The following MMP26 variants were observed in gnomAD, a reference collection of about 807,000 sequenced individuals.
The protein encoded by MMP26 is matrix metalloproteinase-26.
In MMP26, 33 loss-of-function variants were observed where a neutral mutation model predicts 31.0. That is an observed-to-expected ratio of 1.06 (90% CI 0.81 to 1.42). The LOEUF (loss-of-function observed/expected upper bound fraction) is 1.42. Ranked by LOEUF, MMP26 falls within the 40% of genes most tolerant of loss-of-function variation. The pLI is 0.00. For synonymous variants in MMP26, 122 were observed against 114.9 expected, an observed-to-expected ratio of 1.06 and a Z score of -0.40; for missense variants, 347 against 316.1, an observed-to-expected ratio of 1.10 and a Z score of -0.74.
At chr11:4,853,870 G>A (rs1850011174) in intron 2 of MMP26, among the ~76,000 whole-genome samples, 1 of 151,968 alleles carries the variant, frequency 6.6e-6, no homozygotes, top group Non-Finnish European at 1.5e-5. Context: ...GAAGTAAATA[G>A]ACATATAAAT....
chr11:4,954,738 C>T, intron 2 of MMP26: 1 of 856,298 alleles, frequency 1.2e-6, no homozygotes, highest in Non-Finnish European at 1.8e-6. Context: ...AATATCTTAC[C>T]AGACATTTCC....
Position 4,892,037 on chromosome 11 carries a change from C to T in MMP26, c.-144-96031C>T, listed in dbSNP as rs138478579. 5.2e-3 allele frequency among the ~76,000 whole-genome samples: 790 copies of T among 152,078 alleles called. 5 individuals carry two copies. Among genetic ancestry groups the T allele is most frequent in the African/African-American group, 0.018 (754 of 41,494 alleles). On this transcript the variant is annotated intron_variant, in intron 2 of 7. Coordinates refer to ENST00000380390, the MANE Select transcript of MMP26 (RefSeq NM_021801.5). ...CAATGAGGCTGCAAGACATATAAAG[C>T]ATATCCATCTCTACTCCTTGGCCTA...
chr11:4,764,564 C>T (rs1201999687), intron 1 of MMP26, among the ~76,000 whole-genome samples: 1 of 152,092 alleles, frequency 6.6e-6, no homozygotes. Flanking sequence ...TTCTGAGCTA[C>T]AAAAAATCTG....
At chr11:4,801,848 T>C (rs984355664) in intron 2 of MMP26, among the ~76,000 whole-genome samples, 12 of 151,938 alleles carry the variant, frequency 7.9e-5, no homozygotes, top group Admixed American at 1.3e-4. Flanking sequence ...TAGGACTCTT[T>C]TAAATAACCG....
Position 4,988,235 on chromosome 11 carries a change from T to G in MMP26, c.24T>G (p.Val8=). Residue 8 remains valine, a synonymous_variant, in exon 3 of 8, where the codon GTT becomes GTG. Transcript: ENST00000380390. MQLVILR[V]TIFLPWCFAV... Reference sequence around the variant, plus strand: ...GCATGCAGCTCGTCATCTTAAGAGTTACTATCTTCTTGCCCTGGTGTTTCG... The same window carrying G: ...GCATGCAGCTCGTCATCTTAAGAGTGACTATCTTCTTGCCCTGGTGTTTCG... The G allele has an allele frequency of 6.2e-7, 1 of 1,614,098 alleles. No individual in the cohort carries two copies. Among genetic ancestry groups the G allele is most frequent in the Non-Finnish European group, 8.5e-7 (1 of 1,180,020 alleles).
intron 1 of MMP26, among the ~76,000 whole-genome samples, chr11:4,761,106 G>A (rs1848564807): frequency 6.6e-6 from 1 of 152,172 alleles, no homozygotes; most frequent in African/African-American, 2.4e-5. Flanking sequence ...GGTAAGCGGG[G>A]AGAGCCTTAC....
intron 2 of MMP26, among the ~76,000 whole-genome samples, chr11:4,919,738 T>C (rs1851153827): frequency 6.6e-6 from 1 of 152,224 alleles, no homozygotes; most frequent in African/African-American, 2.4e-5. Context: ...AAAGGGATTT[T>C]TTTAAATTGA....
intron 2 of MMP26, among the ~76,000 whole-genome samples, chr11:4,987,082 A>G (rs1204413836): frequency 6.7e-6 from 1 of 149,678 alleles, no homozygotes; most frequent in South Asian, 2.1e-4. Context: ...GAGTTTCACC[A>G]CGTTGGTCAG....
In MMP26 at chr11:4,936,474, T is replaced by A. The variant is rs115101043; in HGVS notation, c.-144-51594T>A. ...CTATTTAATTCTTGAAAGATTGATA[T>A]TTAAGAGAAGTTTAAAAGTCTATTT... On this transcript the variant is annotated intron_variant, in intron 2 of 7. Transcript: ENST00000380390. Among the ~76,000 whole-genome samples, 736 of 152,268 alleles carry A rather than the reference T, an allele frequency of 4.8e-3. 7 individuals are homozygous for A. The highest frequency in any genetic ancestry group is 0.017 in the African/African-American group (707 of 41,556).
At chr11:4,885,551 T>TAAC (rs1850535587) in intron 2 of MMP26, among the ~76,000 whole-genome samples, 1 of 152,148 alleles carries the variant, frequency 6.6e-6, no homozygotes, top group Non-Finnish European at 1.5e-5. Flanking sequence ...CAATAGGCTA[T>TAAC]ATCATAGGTA....
intron 2 of MMP26, among the ~76,000 whole-genome samples, chr11:4,846,375 G>A (rs1849867124): frequency 6.6e-6 from 1 of 152,248 alleles, no homozygotes; most frequent in East Asian, 1.9e-4. Context: ...CATGGACAAA[G>A]AGAATAGGAT....
chr11:4,709,934 TGACC>T (rs1261328579), intron 1 of MMP26: 1 of 456,866 alleles, frequency 2.2e-6, no homozygotes, highest in African/African-American at 2.0e-5. Context: ...CAATGGCCTT[TGACC>T]GCTTTATTGC....
intron 2 of MMP26, among the ~76,000 whole-genome samples, chr11:4,872,003 T>C (rs1034985034): frequency 6.6e-6 from 1 of 152,088 alleles, no homozygotes; most frequent in African/African-American, 2.4e-5. Flanking sequence ...TCACAGAACC[T>C]ATATTTAAGC....
intron 1 of MMP26, among the ~76,000 whole-genome samples, chr11:4,734,854 G>C (rs764667315): frequency 6.4e-5 from 4 of 62,448 alleles, no homozygotes; most frequent in Non-Finnish European, 3.3e-5. Context: ...TTTTCAGCTT[G>C]TATCTCTTGG....
chr11:4,934,340 T>A (rs374224124), intron 2 of MMP26, among the ~76,000 whole-genome samples: 1 of 141,088 alleles, frequency 7.1e-6, no homozygotes, highest in Non-Finnish European at 1.5e-5. Context: ...ATGAGCATTT[T>A]TTCATGTGTT....
At chr11:4,744,712 C>T (rs1312923426) in intron 1 of MMP26, among the ~76,000 whole-genome samples, 2 of 152,156 alleles carry the variant, frequency 1.3e-5, no homozygotes, top group African/African-American at 4.8e-5. Flanking sequence ...CCCAAATCTA[C>T]TTATTCTCCC....
chr11:4,912,528 T>A (rs1851006879), intron 2 of MMP26: 1 of 152,184 alleles, frequency 6.6e-6, no homozygotes, highest in South Asian at 2.1e-4. Context: ...GAAAGACACA[T>A]ACCACTCATG....
chr11:4,748,763 T>G (rs1167253396), intron 1 of MMP26, among the ~76,000 whole-genome samples: 1 of 151,678 alleles, frequency 6.6e-6, no homozygotes, highest in African/African-American at 2.4e-5. Flanking sequence ...AAAAAAACCC[T>G]CAAGAAACTA....
intron 2 of MMP26, chr11:4,908,051 G>A: frequency 6.2e-7 from 1 of 1,614,130 alleles, no homozygotes; most frequent in Non-Finnish European, 8.5e-7. Flanking sequence ...ACTCAGCATT[G>A]CATCTTTGGC....
Sources: allele counts gnomAD v4.1 joint callset (sites outside exome capture counted in the v4.1 genomes callset), GRCh38; gene constraint gnomAD v4.1.1; transcripts MANE v1.5; gene names NCBI Gene and HGNC (gene_info 2026-07-23, HGNC 2026-07-21).